KALRN: variants seen among roughly 807,000 people sequenced by gnomAD.
KALRN encodes the protein kalirin RhoGEF kinase.
A neutral mutation model predicts 353.7 loss-of-function variants in KALRN; 70 were observed. The ratio of observed to expected loss-of-function variants is 0.20; its 90% CI spans 0.16 to 0.24. The LOEUF is 0.24. KALRN is among the 10% of genes least tolerant of loss of function. The probability of loss-of-function intolerance (pLI) is 1.00; values close to 1 mark genes in which losing one functional copy is unlikely to be tolerated. For synonymous variants in KALRN, 1,391 were observed against 1,434.8 expected, an observed-to-expected ratio of 0.97 and a Z score of 0.69; for missense variants, 2,791 against 3,756.7, an observed-to-expected ratio of 0.74 and a Z score of 6.72.
intron 1 of KALRN, among the ~76,000 whole-genome samples, chr3:124,036,099 T>C (rs1321475312): frequency 6.6e-6 from 1 of 152,208 alleles, no homozygotes; most frequent in African/African-American, 2.4e-5. Context: ...CAGGGGTACA[T>C]GTATGGGTTA....
chr3:124,099,985 G>A (rs1257739038), intron 1 of KALRN, among the ~76,000 whole-genome samples: 1 of 152,150 alleles, frequency 6.6e-6, no homozygotes, highest in South Asian at 2.1e-4. Context: ...CCAACATGGT[G>A]AAACTCCATC....
intron 4 of KALRN, among the ~76,000 whole-genome samples, chr3:124,266,737 G>A (rs1045969509): frequency 6.6e-6 from 1 of 152,174 alleles, no homozygotes; most frequent in African/African-American, 2.4e-5. Flanking sequence ...TGATGCAGGC[G>A]ATTCTCACTC....
chr3:124,541,938 T>C (rs1303944749), intron 33 of KALRN, among the ~76,000 whole-genome samples: 2 of 151,278 alleles, frequency 1.3e-5, no homozygotes, highest in Non-Finnish European at 3.0e-5. Context: ...GCCGAGATGG[T>C]GCCACTGCAC....
At chr3:124,375,706 G>GTTATTGCA (rs1422829001) in intron 10 of KALRN, among the ~76,000 whole-genome samples, 28 of 152,254 alleles carry the variant, frequency 1.8e-4, no homozygotes, top group African/African-American at 5.5e-4. Context: ...TATTGTTGTT[G>GTTATTGCA]TTATTGCATG....
At chr3:124,553,261 A>C (rs1426190193) in intron 33 of KALRN, among the ~76,000 whole-genome samples, 1 of 152,254 alleles carries the variant, frequency 6.6e-6, no homozygotes, top group African/African-American at 2.4e-5. Flanking sequence ...TTCCTACTTT[A>C]CAGATAAGGA....
Position 124,326,156 on chromosome 3 carries a change from C to T in KALRN, c.1269C>T (p.His423=). Reference sequence around the variant, plus strand: ...TCCTCGCCATGTCTGCTGTGTTCCACCAGAAGGCTGAGCAGGTAAGGTGCA... The same window carrying T: ...TCCTCGCCATGTCTGCTGTGTTCCATCAGAAGGCTGAGCAGGTAAGGTGCA... The part of the protein sequence containing the change: ...STILAMSAVF[H]QKAEQFLSGV... The change falls in exon 7 of 60, where the codon CAC becomes CAT. Residue 423 remains histidine, a synonymous_variant. Coordinates refer to ENST00000682506, the MANE Select transcript of KALRN (RefSeq NM_001388419.1). The T allele has an allele frequency of 6.2e-7, 1 of 1,611,642 alleles. No individual in the cohort carries two copies. Among genetic ancestry groups the T allele is most frequent in the Non-Finnish European group, 8.5e-7 (1 of 1,178,842 alleles).
chr3:124,663,734 C>A (rs556797060), intron 45 of KALRN, among the ~76,000 whole-genome samples: 14 of 151,804 alleles, frequency 9.2e-5, no homozygotes, highest in Non-Finnish European at 1.6e-4. Flanking sequence ...AAATAAATGG[C>A]TTGTTTTTTG....
chr3:124,585,278 C>T (rs1293715055), intron 34 of KALRN, among the ~76,000 whole-genome samples: 1 of 152,204 alleles, frequency 6.6e-6, no homozygotes, highest in Non-Finnish European at 1.5e-5. Flanking sequence ...AGTACCTCAC[C>T]TCTCATTTAC....
At chr3:124,132,300 A>T (rs867901435) in intron 1 of KALRN, among the ~76,000 whole-genome samples, 1 of 152,132 alleles carries the variant, frequency 6.6e-6, no homozygotes, top group Non-Finnish European at 1.5e-5. Flanking sequence ...TGCATTAGTA[A>T]TGCTTAGTTT....
rs61485197 is a variant in KALRN, at chr3:124,536,134, T to C, written c.4936-26709T>C. 8.6e-3 allele frequency among the ~76,000 whole-genome samples: 1,300 copies of C among 151,750 alleles called. 31 individuals are homozygous for C. The highest frequency in any genetic ancestry group is 0.03 in the African/African-American group (1,255 of 41,328). ...CCAGCCACCCAAAATGAGTCTTCGT[T>C]ACTAAGAAGTAAGGGCACGATGGAC... On this transcript the variant is annotated intron_variant, in intron 33 of 59. Coordinates refer to ENST00000682506, the MANE Select transcript of KALRN (RefSeq NM_001388419.1).
At chr3:124,262,287 G>A (rs1031214883) in intron 3 of KALRN, among the ~76,000 whole-genome samples, 1 of 152,176 alleles carries the variant, frequency 6.6e-6, no homozygotes, top group South Asian at 2.1e-4. Flanking sequence ...TATATGATAT[G>A]AAAACTCTAC....
Position 124,565,922 on chromosome 3 carries a change from T to TA in KALRN, c.5182+2838dup, listed in dbSNP as rs201614829. 1.6e-4 allele frequency among the ~76,000 whole-genome samples: 25 copies of TA among 152,160 alleles called. No homozygotes were observed. The East Asian group carries it at 4.8e-3, about 29-fold the overall frequency. ...TAGGACAGATTAGTGGAGATTTAAC[T>TA]AAAAATAGGAGATGAAGACCAGGAA... On this transcript the variant is annotated intron_variant, in intron 34 of 59. Coordinates refer to ENST00000682506, the MANE Select transcript of KALRN (RefSeq NM_001388419.1).
At chr3:124,526,838 G>A (rs779511119) in intron 33 of KALRN, among the ~76,000 whole-genome samples, 4 of 152,126 alleles carry the variant, frequency 2.6e-5, no homozygotes, top group African/African-American at 9.7e-5. Context: ...AAGAGAATGT[G>A]TATTGCTAAT....
In KALRN at chr3:124,226,248, A is replaced by C. The variant is rs558113483; in HGVS notation, c.74-1742A>C. Among the ~76,000 whole-genome samples the C allele has an allele frequency of 2.2e-3, 342 of 152,306 alleles. 2 individuals are homozygous for C. The highest frequency in any genetic ancestry group is 0.018 in the South Asian group (85 of 4,826). ...TATATCTATTTGTAAATTCTGTAAT[A>C]ATTTATATTGATCCTAATTAGCCTC... On this transcript the variant is annotated intron_variant, in intron 1 of 59. Coordinates refer to ENST00000682506, the MANE Select transcript of KALRN (RefSeq NM_001388419.1).
At chr3:124,628,159 C>CCCTT (rs1224339151) in intron 34 of KALRN, among the ~76,000 whole-genome samples, 1 of 44,934 alleles carries the variant, frequency 2.2e-5, no homozygotes. Flanking sequence ...CTCCCTCCCT[C>CCCTT]CCTTCCTTCC....
rs1212562099 is a variant in KALRN, at chr3:124,661,895, C to G, written c.6312C>G (p.Asp2104Glu). ...LMCLVPKRCNDMMNLGRLQGF... is the reference protein window; with the variant it reads ...LMCLVPKRCNEMMNLGRLQGF... ...GCCTTGTTCCCAAACGCTGCAATGA[C>G]ATGATGAATCTAGGACGTCTGCAGG... The change falls in exon 45 of 60, where the codon GAC (aspartate) becomes GAG (glutamate). Residue 2104 changes from aspartate (D) to glutamate (E), a missense_variant. Asp to Glu is a conservative substitution (Grantham distance 45). Coordinates refer to ENST00000682506, the MANE Select transcript of KALRN (RefSeq NM_001388419.1). The G allele has an allele frequency of 1.4e-5, 22 of 1,614,002 alleles. No homozygotes were observed. The highest frequency in any genetic ancestry group is 1.6e-5 in the Non-Finnish European group (19 of 1,179,984).
At chr3:124,680,425 C>T (rs1054185356) in intron 51 of KALRN, among the ~76,000 whole-genome samples, 2 of 152,234 alleles carry the variant, frequency 1.3e-5, no homozygotes, top group Non-Finnish European at 2.9e-5. Context: ...AGCTGACTTT[C>T]CTTGCCATTT....
At chr3:124,112,297 C>T (rs2063057076) in intron 1 of KALRN, among the ~76,000 whole-genome samples, 1 of 86,682 alleles carries the variant, frequency 1.2e-5, no homozygotes, top group East Asian at 3.7e-4. Flanking sequence ...AGTGAGACTC[C>T]ATCTCACAAA....
intron 3 of KALRN, among the ~76,000 whole-genome samples, chr3:124,260,114 G>T (rs2072633285): frequency 6.6e-6 from 1 of 152,170 alleles, no homozygotes; most frequent in Admixed American, 6.5e-5. Context: ...CTCTTGCAAG[G>T]CCTGATTCTA....
Sources: gnomAD v4.1 joint callset for allele counts (sites outside exome capture counted in the v4.1 genomes callset) on GRCh38, gnomAD v4.1.1 for gene constraint, MANE v1.5 for transcripts, NCBI Gene and HGNC (gene_info 2026-07-23, HGNC 2026-07-21) for gene names.